Variants in RIMS2 observed in about 807,000 individuals in gnomAD.
RIMS2 encodes regulating synaptic membrane exocytosis protein 2.
RIMS2 carries 59 observed loss-of-function variants against 174.4 expected under a neutral mutation model. The ratio of observed to expected loss-of-function variants is 0.34; its 90% CI spans 0.27 to 0.42. The LOEUF (loss-of-function observed/expected upper bound fraction) is 0.42, where lower values mean the gene tolerates loss of function less well. Ranked by LOEUF, RIMS2 falls within the 10% of genes least tolerant of loss-of-function variation. The pLI, the probability that RIMS2 is intolerant of heterozygous loss-of-function variation, is 1.00. For missense variants in RIMS2, 1,620 were observed against 1,666.3 expected (o/e 0.97, Z 0.48); for synonymous variants, 606 against 572.5 (o/e 1.06, Z -0.84).
chr8:103,920,043 C>T (rs6986683), intron 9 of RIMS2, among the ~76,000 whole-genome samples: 38,757 of 152,004 alleles, frequency 0.25, 5,145 homozygotes, highest in African/African-American at 0.3. Flanking sequence ...CTCTCAGATA[C>T]TGCATGAGCA....
intron 14 of RIMS2, among the ~76,000 whole-genome samples, chr8:103,959,878 C>T (rs1475019403): frequency 6.6e-6 from 1 of 152,118 alleles, no homozygotes; most frequent in Non-Finnish European, 1.5e-5. Context: ...ATTTATAGCA[C>T]TAAATGCCCA....
At chr8:103,681,174 G>A (rs1351162268) in intron 1 of RIMS2, among the ~76,000 whole-genome samples, 1 of 151,884 alleles carries the variant, frequency 6.6e-6, no homozygotes, top group African/African-American at 2.4e-5. Flanking sequence ...CACTAAATTT[G>A]GATTTGGCTT....
At chr8:103,952,647 A>G (rs1565494652) in intron 14 of RIMS2, among the ~76,000 whole-genome samples, 1 of 152,296 alleles carries the variant, frequency 6.6e-6, no homozygotes, top group Middle Eastern at 3.4e-3. Flanking sequence ...ATCCATGAAG[A>G]TGGGGGAGAA....
intron 3 of RIMS2, among the ~76,000 whole-genome samples, chr8:103,834,485 A>G (rs2098846264): frequency 6.6e-6 from 1 of 151,720 alleles, no homozygotes; most frequent in Non-Finnish European, 1.5e-5. Context: ...TGTAGGGGGC[A>G]TGCCACTGTG....
rs1331304377 is a variant in RIMS2, at chr8:103,785,102, T to C, written c.698+18565T>C. On this transcript the variant is annotated intron_variant, in intron 3 of 23. Coordinates refer to ENST00000504942, the Ensembl canonical transcript of RIMS2. ...TATTGGTGCGTAAGAATGCTTGTGATTTTTGTACATTGATTTTGTATCCTG... is the reference window on the plus strand; with the variant it reads ...TATTGGTGCGTAAGAATGCTTGTGACTTTTGTACATTGATTTTGTATCCTG... Among the ~76,000 whole-genome samples the C allele has an allele frequency of 1.1e-4, 15 of 142,526 alleles. No homozygotes were observed. In the East Asian group the frequency reaches 3.0e-3, roughly 29 times the overall value. 93.5% of individuals were successfully genotyped at this position (142,526 alleles called of 152,430 possible). A position where few individuals can be genotyped will look rare whatever the true frequency, so the allele number is the denominator to read the frequency against.
chr8:103,809,227 C>T (rs1416743105), intron 3 of RIMS2, among the ~76,000 whole-genome samples: 2 of 151,756 alleles, frequency 1.3e-5, no homozygotes, highest in African/African-American at 4.8e-5. Flanking sequence ...TTTGGCTTGG[C>T]CAATGCTTAT....
chr8:103,829,567 C>G (rs1002042336), intron 3 of RIMS2, among the ~76,000 whole-genome samples: 1 of 152,108 alleles, frequency 6.6e-6, no homozygotes, highest in Non-Finnish European at 1.5e-5. Flanking sequence ...CAACATAGAT[C>G]GAGTTGGAGG....
intron 3 of RIMS2, chr8:103,819,420 T>C (rs979414663): frequency 6.9e-6 from 11 of 1,585,322 alleles, no homozygotes; most frequent in Non-Finnish European, 9.4e-6. Flanking sequence ...TTGATTGGCG[T>C]GTTTTTATTT....
intron 3 of RIMS2, among the ~76,000 whole-genome samples, chr8:103,806,178 C>A (rs2098648790): frequency 6.6e-6 from 1 of 152,032 alleles, no homozygotes; most frequent in Admixed American, 6.6e-5. Flanking sequence ...TGTGCTCTTG[C>A]AATATTTCTT....
intron 1 of RIMS2, among the ~76,000 whole-genome samples, chr8:103,639,481 C>T (rs1336367042): frequency 6.6e-6 from 1 of 151,770 alleles, no homozygotes; most frequent in African/African-American, 2.4e-5. Context: ...CAGTTAGCCA[C>T]TACTCTGTTT....
chr8:103,715,820 G>A (rs2097361407), intron 2 of RIMS2, among the ~76,000 whole-genome samples: 1 of 152,044 alleles, frequency 6.6e-6, no homozygotes, highest in South Asian at 2.1e-4. Context: ...ATAAACTTCA[G>A]AAACAATATG....
At chr8:104,004,080 C>G (rs375305969) in intron 17 of RIMS2, among the ~76,000 whole-genome samples, 23 of 152,064 alleles carry the variant, frequency 1.5e-4, no homozygotes, top group African/African-American at 5.1e-4. Context: ...GGGGAGGAAT[C>G]AGTTTAGGTG....
intron 1 of RIMS2, chr8:103,559,027 G>A (rs2091081449): frequency 1.0e-5 from 1 of 99,074 alleles, no homozygotes; most frequent in Non-Finnish European, 2.1e-5. Flanking sequence ...GAGTAAATAT[G>A]TCATGGTGGC....
At chr8:103,944,103 C>A (rs965122256) in intron 14 of RIMS2, among the ~76,000 whole-genome samples, 1 of 152,080 alleles carries the variant, frequency 6.6e-6, no homozygotes, top group East Asian at 1.9e-4. Context: ...TTTAAAATAA[C>A]CTCTCTAATT....
rs140561425 is a variant in RIMS2 at position 104,138,858 on chromosome 8, G to C, written c.3335-106058G>C. ...TCTTTGCCCAGACCAGTGTCCTGGA[G>C]AGTTTCCCCAATGTTTTCTTTTAGT... On this transcript the variant is annotated intron_variant, in intron 19 of 23. Coordinates refer to ENST00000504942, the Ensembl canonical transcript of RIMS2. Among the ~76,000 whole-genome samples, 1,009 of 152,254 alleles carry C rather than the reference G, an allele frequency of 6.6e-3. 9 individuals are homozygous for C. The highest frequency in any genetic ancestry group is 0.023 in the African/African-American group (947 of 41,538).
intron 19 of RIMS2, among the ~76,000 whole-genome samples, chr8:104,036,722 C>G (rs1358779044): frequency 1.3e-5 from 2 of 151,572 alleles, no homozygotes; most frequent in African/African-American, 4.8e-5. Flanking sequence ...ACTAAAAATA[C>G]AAAAGTTAGC....
At chr8:103,514,863 A>T (rs562639877) in intron 1 of RIMS2, among the ~76,000 whole-genome samples, 1 of 152,094 alleles carries the variant, frequency 6.6e-6, no homozygotes, top group African/African-American at 2.4e-5. Flanking sequence ...GCGCCACTGC[A>T]CTTCAGCCTG....
chr8:103,616,750 C>T (rs890266916), intron 1 of RIMS2, among the ~76,000 whole-genome samples: 12 of 151,916 alleles, frequency 7.9e-5, no homozygotes, highest in African/African-American at 1.7e-4. Context: ...AGAGCCAAAT[C>T]GGAAAGGCAA....
intron 16 of RIMS2, among the ~76,000 whole-genome samples, chr8:103,980,835 C>T (rs972420605): frequency 6.6e-6 from 1 of 152,100 alleles, no homozygotes; most frequent in African/African-American, 2.4e-5. Context: ...GGGAGAGGCT[C>T]TTCTGCCTGT....
Sources: allele counts gnomAD v4.1 joint callset (sites outside exome capture counted in the v4.1 genomes callset), GRCh38; gene constraint gnomAD v4.1.1; transcripts MANE v1.5; gene names NCBI Gene and HGNC (gene_info 2026-07-23, HGNC 2026-07-21).